The following NIBAN1 variants were observed in gnomAD, a reference collection of about 807,000 sequenced individuals.
The protein encoded by NIBAN1 is protein Niban 1.
A neutral mutation model predicts 75.1 loss-of-function variants in NIBAN1; 81 were observed. The ratio of observed to expected loss-of-function variants is 1.08; its 90% confidence interval spans 0.90 to 1.30. The LOEUF is 1.30. Among genes scored for constraint, NIBAN1 ranks in the 50% most tolerant of loss-of-function variants. NIBAN1 has a pLI of 0.00. For missense variants in NIBAN1, 1,133 were observed against 1,128.1 expected, an observed-to-expected ratio of 1.00 and a Z score of -0.06; for synonymous variants, 436 against 424.8, an observed-to-expected ratio of 1.03 and a Z score of -0.32.
chr1:184,892,155 G>A (rs527708053), intron 3 of NIBAN1, among the ~76,000 whole-genome samples: 1 of 152,316 alleles, frequency 6.6e-6, no homozygotes, highest in African/African-American at 2.4e-5. Flanking sequence ...TCTTCCCAAT[G>A]GGTTAGTAGT....
At chr1:184,942,254 T>A (rs1307902147) in intron 1 of NIBAN1, among the ~76,000 whole-genome samples, 1 of 152,250 alleles carries the variant, frequency 6.6e-6, no homozygotes, top group African/African-American at 2.4e-5. Flanking sequence ...AAGTACCGTA[T>A]CTTTCCACTT....
At chr1:184,837,833 C>T (rs992464552) in intron 5 of NIBAN1, among the ~76,000 whole-genome samples, 2 of 152,014 alleles carry the variant, frequency 1.3e-5, no homozygotes, top group African/African-American at 2.4e-5. Context: ...TATGGTAACC[C>T]GAGAAAAAAA....
In NIBAN1 at chr1:184,808,118, G is replaced by C. The variant is rs1325608290; in HGVS notation, c.1291C>G (p.His431Asp). ...QDLKSRFRFP[H>D]IDLVVQRTQN... Reference sequence around the variant, plus strand: ...GTCCTCTGAACCACCAGATCAATGTGGGGGAATCTGAAGCGGCTCTTGAGA... The same window carrying C: ...GTCCTCTGAACCACCAGATCAATGTCGGGGAATCTGAAGCGGCTCTTGAGA... The change falls in exon 10 of 14, where the codon CAC (histidine) becomes GAC (aspartate). Residue 431 changes from histidine (H) to aspartate (D), a missense_variant. By Grantham distance (81) the His-to-Asp change is moderately conservative. Coordinates refer to ENST00000367511, the MANE Select transcript of NIBAN1 (RefSeq NM_052966.4). 6.2e-7 allele frequency: 1 copy of C among 1,613,996 alleles called. No individual in the cohort carries two copies. Among genetic ancestry groups the C allele is most frequent in the Admixed American group, 1.7e-5 (1 of 60,004 alleles).
chr1:184,905,115 C>A (rs1312756181), intron 1 of NIBAN1, among the ~76,000 whole-genome samples: 1 of 152,024 alleles, frequency 6.6e-6, no homozygotes, highest in African/African-American at 2.4e-5. Flanking sequence ...TGAGCCAAAG[C>A]TTGGTGTGTG....
chr1:184,899,162 A>G lies in NIBAN1; in HGVS notation c.186+17T>C. 6.2e-7 allele frequency: 1 copy of G among 1,613,356 alleles called. No homozygotes were observed. The highest frequency in any genetic ancestry group is 8.5e-7 in the Non-Finnish European group (1 of 1,179,494). On this transcript the variant is annotated intron_variant, in intron 2 of 13. Coordinates refer to ENST00000367511, the MANE Select transcript of NIBAN1 (RefSeq NM_052966.4). Reference sequence around the variant, plus strand: ...CTTCAAGGGGAAATACATGTAAACCAAATATCCATGGCTTACCTTGGTCTT... The same window carrying G: ...CTTCAAGGGGAAATACATGTAAACCGAATATCCATGGCTTACCTTGGTCTT...
intron 12 of NIBAN1, among the ~76,000 whole-genome samples, chr1:184,801,689 C>T (rs77685764): frequency 0.019 from 2,855 of 152,292 alleles, 75 homozygotes; most frequent in African/African-American, 0.064. Context: ...TTGCCTGTCT[C>T]CTGCTCTCTA....
At chr1:184,942,815 T>C (rs1415076405) in intron 1 of NIBAN1, among the ~76,000 whole-genome samples, 1 of 151,968 alleles carries the variant, frequency 6.6e-6, no homozygotes, top group Non-Finnish European at 1.5e-5. Context: ...CACACTCACC[T>C]TGTAACTCTG....
chr1:184,803,963 G>A (rs895525266), intron 11 of NIBAN1, among the ~76,000 whole-genome samples: 6 of 152,212 alleles, frequency 3.9e-5, no homozygotes, highest in African/African-American at 1.4e-4. Context: ...TTATAAAGAA[G>A]TTGGGGATAG....
rs200932673 is a variant in NIBAN1, at chr1:184,930,997, C to CTTTTT, written c.56-31693_56-31689dup. The stretch of plus-strand genomic sequence containing the variant: ...GTTTCTAAGTGCACTTTTTCTTCTT[C>CTTTTT]TTTTTTTTTTTTTTTTTTTTGAGAC... On this transcript the variant is annotated intron_variant, in intron 1 of 13. Coordinates refer to ENST00000367511, the MANE Select transcript of NIBAN1 (RefSeq NM_052966.4). Among the ~76,000 whole-genome samples, 13 of 114,524 alleles carry CTTTTT rather than the reference C, an allele frequency of 1.1e-4. 2 individuals carry two copies. Among genetic ancestry groups the CTTTTT allele is most frequent in the South Asian group, 2.5e-4 (1 of 4,070 alleles). 75.1% of individuals were successfully genotyped at this position (114,524 alleles called of 152,430 possible).
chr1:184,913,473 A>C (rs1317760234), intron 1 of NIBAN1, among the ~76,000 whole-genome samples: 1 of 152,120 alleles, frequency 6.6e-6, no homozygotes, highest in African/African-American at 2.4e-5. Flanking sequence ...CATTGAAACT[A>C]TTATGGGTTA....
chr1:184,803,641 G>A lies in NIBAN1; in HGVS notation c.1498C>T (p.Leu500=). 6.2e-7 allele frequency: 1 copy of A among 1,614,188 alleles called. No homozygotes were observed. The highest frequency in any genetic ancestry group is 1.1e-5 in the South Asian group (1 of 91,084). Residue 500 remains leucine (L), a synonymous_variant, in exon 12 of 14, where the codon CTA becomes TTA. Transcript: ENST00000367511. ...ACAGTGGGAAGTGTGATTTGAACTA[G>A]TGCCTCTTGAAATATCTTCTTTCGG... ...TIRKKIFQEA[L]VQITLPTVQK...
intron 11 of NIBAN1, 36 bp from the exon 12 acceptor site, chr1:184,803,728 T>C (rs776782591): frequency 3.8e-6 from 6 of 1,568,018 alleles, no homozygotes; most frequent in Non-Finnish European, 1.8e-6. Context: ...ATAGTAACAT[T>C]ACAATCTGTT....
intron 1 of NIBAN1, among the ~76,000 whole-genome samples, chr1:184,924,791 C>A (rs1035679525): frequency 2.6e-5 from 4 of 152,136 alleles, no homozygotes; most frequent in Non-Finnish European, 5.9e-5. Context: ...TTATCCATTT[C>A]TCTTAGGTTT....
At chr1:184,829,682 G>A (rs1360659059) in intron 6 of NIBAN1, among the ~76,000 whole-genome samples, 1 of 151,750 alleles carries the variant, frequency 6.6e-6, no homozygotes. Context: ...TGGCCAGGCT[G>A]GTCTCGAACT....
intron 4 of NIBAN1, among the ~76,000 whole-genome samples, chr1:184,885,176 G>C (rs954310199): frequency 6.6e-6 from 1 of 152,184 alleles, no homozygotes; most frequent in African/African-American, 2.4e-5. Context: ...AGCCTCCTGA[G>C]TAGCTGGGAT....
At chr1:184,843,130 T>C (rs1655339901) in intron 5 of NIBAN1, among the ~76,000 whole-genome samples, 1 of 152,220 alleles carries the variant, frequency 6.6e-6, no homozygotes, top group Non-Finnish European at 1.5e-5. Context: ...GAATCAACAC[T>C]TCAGGTGGGT....
At chr1:184,879,615 A>T (rs2101962876) in intron 5 of NIBAN1, among the ~76,000 whole-genome samples, 1 of 152,312 alleles carries the variant, frequency 6.6e-6, no homozygotes, top group East Asian at 1.9e-4. Context: ...CACACCAAAA[A>T]GGATTTGCTC....
chr1:184,898,367 C>G (rs1348699535), intron 2 of NIBAN1, among the ~76,000 whole-genome samples: 3 of 152,204 alleles, frequency 2.0e-5, no homozygotes, highest in Non-Finnish European at 4.4e-5. Context: ...GTAATCCCAG[C>G]ACTTTGGGAG....
intron 1 of NIBAN1, among the ~76,000 whole-genome samples, chr1:184,942,626 G>A (rs988995650): frequency 6.6e-6 from 1 of 151,562 alleles, no homozygotes; most frequent in African/African-American, 2.4e-5. Flanking sequence ...CCCGGGAGGC[G>A]GAGCTTGCAC....
Sources: gnomAD v4.1 joint callset for allele counts (sites outside exome capture counted in the v4.1 genomes callset) on GRCh38, gnomAD v4.1.1 for gene constraint, MANE v1.5 for transcripts, NCBI Gene and HGNC (gene_info 2026-07-23, HGNC 2026-07-21) for gene names.